Variants in GCSH observed in about 807,000 individuals in gnomAD.
GCSH encodes glycine cleavage system protein H, also known as glycine cleavage system H protein, mitochondrial.
A neutral mutation model predicts 21.3 loss-of-function variants in GCSH; 15 were observed. The ratio of observed to expected loss-of-function variants is 0.70; its 90% CI spans 0.47 to 1.08. The LOEUF is 1.08. Ranked by LOEUF, GCSH falls within the 50% of genes least tolerant of loss-of-function variation. The pLI is 0.00. For synonymous variants in GCSH, 59 were observed against 84.5 expected (o/e 0.70, Z 1.66); for missense variants, 179 against 217.5 (o/e 0.82, Z 1.11).
intron 1 of GCSH, among the ~76,000 whole-genome samples, chr16:81,095,059 C>G (rs1022606757): frequency 6.6e-6 from 1 of 151,086 alleles, no homozygotes; most frequent in Admixed American, 6.6e-5. Flanking sequence ...CGCCGCTGCA[C>G]TCCAGCCTGG....
chr16:81,092,939 C>T (rs1268150301), intron 1 of GCSH, among the ~76,000 whole-genome samples: 1 of 152,032 alleles, frequency 6.6e-6, no homozygotes, highest in Non-Finnish European at 1.5e-5. Flanking sequence ...CAAGACCAGC[C>T]TGGCCAGCAT....
At chr16:81,084,870 C>G (rs534510560) in intron 3 of GCSH, among the ~76,000 whole-genome samples, 1 of 151,948 alleles carries the variant, frequency 6.6e-6, no homozygotes, top group African/African-American at 2.4e-5. Flanking sequence ...CACCTGCCAC[C>G]ACGCCCGTCT....
rs1372331948 is a variant in GCSH, at chr16:81,096,094, G to A, written c.148+37C>T. On this transcript the variant is annotated intron_variant, in intron 1 of 4. Transcript: ENST00000315467. Reference sequence around the variant, plus strand: ...GGGCCCGGGACAAGCAGCCCAGGCGGGGAGGGAGCAGCCGCCCACGTGCCC... The same window carrying A: ...GGGCCCGGGACAAGCAGCCCAGGCGAGGAGGGAGCAGCCGCCCACGTGCCC... 6 of 1,238,586 alleles carry A rather than the reference G, an allele frequency of 4.8e-6. No homozygotes were observed. The East Asian group carries it at 1.3e-4, about 26-fold the overall frequency. The allele number at this position is 1,238,586 out of a possible 1,614,324, so 76.7% of individuals were successfully genotyped here.
intron 1 of GCSH, among the ~76,000 whole-genome samples, chr16:81,095,563 T>C (rs905546549): frequency 6.6e-5 from 10 of 151,496 alleles, no homozygotes; most frequent in African/African-American, 2.4e-4. Context: ...TTTGTACTTT[T>C]AGTAGAGATG....
intron 2 of GCSH, among the ~76,000 whole-genome samples, chr16:81,087,993 G>A (rs1972319035): frequency 6.6e-6 from 1 of 152,152 alleles, no homozygotes. Flanking sequence ...GGGTGTGGTG[G>A]CAGGCACTTG....
At chr16:81,094,045 C>T (rs1056008648) in intron 1 of GCSH, among the ~76,000 whole-genome samples, 7 of 151,948 alleles carry the variant, frequency 4.6e-5, no homozygotes, top group Non-Finnish European at 8.8e-5. Flanking sequence ...ATTACAAGCA[C>T]GTGCCACCAC....
chr16:81,090,413 G>C (rs1408019398), intron 2 of GCSH, among the ~76,000 whole-genome samples, 188 bp downstream of exon 2: 1 of 151,758 alleles, frequency 6.6e-6, no homozygotes, highest in Non-Finnish European at 1.5e-5. Flanking sequence ...GTAGAGACGG[G>C]GTCTCACTTT....
intron 3 of GCSH, 35 bp downstream of exon 3, chr16:81,087,566 G>C (rs1232356648): frequency 1.4e-6 from 2 of 1,401,106 alleles, no homozygotes; most frequent in Non-Finnish European, 1.0e-6. Context: ...CAAAATTCAT[G>C]GCATGGATCA....
At chr16:81,094,385 C>T (rs181068688) in intron 1 of GCSH, among the ~76,000 whole-genome samples, 92 of 149,902 alleles carry the variant, frequency 6.1e-4, no homozygotes, top group Non-Finnish European at 8.4e-4. Context: ...GTGCTCTTGT[C>T]GTCCAGCTAC....
At chr16:81,089,624 A>C (rs999214095) in intron 2 of GCSH, among the ~76,000 whole-genome samples, 1 of 151,820 alleles carries the variant, frequency 6.6e-6, no homozygotes, top group Non-Finnish European at 1.5e-5. Context: ...TTATCAGAAC[A>C]TAGCTCCATC....
chr16:81,095,700 G>C (rs1042740595), intron 1 of GCSH, among the ~76,000 whole-genome samples: 1 of 151,992 alleles, frequency 6.6e-6, no homozygotes, highest in South Asian at 2.1e-4. Context: ...TTTTACTTCG[G>C]AGTTCTCAGT....
At chr16:81,083,474 G>A (rs181215950) in intron 4 of GCSH, 214 of 171,078 alleles carry the variant, frequency 1.3e-3, no homozygotes, top group Non-Finnish European at 2.0e-3. Flanking sequence ...CCGAGATCAC[G>A]CCACTGCACT....
chr16:81,088,665 T>G (rs1402383672), intron 2 of GCSH, among the ~76,000 whole-genome samples: 2 of 152,178 alleles, frequency 1.3e-5, no homozygotes, highest in African/African-American at 4.8e-5. Context: ...CCTTCCAAAG[T>G]GCTAGGATTA....
chr16:81,094,487 A>G (rs1402697772), intron 1 of GCSH, among the ~76,000 whole-genome samples: 2 of 151,914 alleles, frequency 1.3e-5, no homozygotes, highest in Non-Finnish European at 1.5e-5. Context: ...CCTGGGCGAC[A>G]GAGCGAGACT....
At chr16:81,092,080 G>C (rs769267083) in intron 1 of GCSH, among the ~76,000 whole-genome samples, 1 of 152,066 alleles carries the variant, frequency 6.6e-6, no homozygotes, top group Admixed American at 6.6e-5. Flanking sequence ...CTGACGTTCA[G>C]GTAAGAAAGT....
At chr16:81,088,643 A>G (rs116039992) in intron 2 of GCSH, among the ~76,000 whole-genome samples, 5,304 of 152,188 alleles carry the variant, frequency 0.035, 249 homozygotes, top group African/African-American at 0.11. Context: ...TCAGATAATC[A>G]ACTTGCCTCG....
Position 81,088,765 on chromosome 16 carries a change from C to T in GCSH, c.229-1101G>A, listed in dbSNP as rs8177896. ...TCTTCCACCTCTGTAGTTTTATGTA[C>T]ACCATTGCCCCCAAAGCATTTGCTG... On this transcript the variant is annotated intron_variant, in intron 2 of 4. Coordinates refer to ENST00000315467, the MANE Select transcript of GCSH (RefSeq NM_004483.5). Among the ~76,000 whole-genome samples, 407 of 152,250 alleles carry T rather than the reference C, an allele frequency of 2.7e-3. 2 individuals carry two copies. Among genetic ancestry groups the T allele is most frequent in the African/African-American group, 9.4e-3 (391 of 41,566 alleles).
intron 1 of GCSH, among the ~76,000 whole-genome samples, chr16:81,094,332 G>A (rs569581236): frequency 6.6e-6 from 1 of 151,912 alleles, no homozygotes; most frequent in South Asian, 2.1e-4. Flanking sequence ...TTTTATATTA[G>A]TATTAGTCAA....
At chr16:81,092,188 C>G (rs1418600245) in intron 1 of GCSH, among the ~76,000 whole-genome samples, 2 of 152,002 alleles carry the variant, frequency 1.3e-5, no homozygotes, top group Non-Finnish European at 2.9e-5. Flanking sequence ...TGCCCAAAGG[C>G]TTGTCTAACC....
Sources: gnomAD v4.1 joint callset for allele counts (sites outside exome capture counted in the v4.1 genomes callset) on GRCh38, gnomAD v4.1.1 for gene constraint, MANE v1.5 for transcripts, NCBI Gene and HGNC (gene_info 2026-07-23, HGNC 2026-07-21) for gene names.